The following AGAP1 variants were observed in gnomAD, a reference collection of about 807,000 sequenced individuals.
AGAP1 encodes the protein arf-GAP with GTPase, ANK repeat and PH domain-containing protein 1.
Under a neutral mutation model 105.3 loss-of-function variants are expected in AGAP1, and 29 were observed. The ratio of observed to expected loss-of-function variants is 0.28; its 90% CI spans 0.21 to 0.38. AGAP1 has a LOEUF of 0.38. Ranked by LOEUF, AGAP1 falls within the 10% of genes least tolerant of loss-of-function variation. AGAP1 has a pLI of 1.00. For missense variants in AGAP1, 998 were observed against 1,165.1 expected, an observed-to-expected ratio of 0.86 and a Z score of 2.09; for synonymous variants, 509 against 485.9, an observed-to-expected ratio of 1.05 and a Z score of -0.63.
At position 235,725,249 on chromosome 2, in the gene AGAP1, C is replaced by T. The variant is rs1004472576; in HGVS notation, c.310+7605C>T. ...ACTGCCTAGAATTGTTTCCTGTCATCGGGGTAGTAAATGTGTTCTCAGGAG... is the reference window on the plus strand; with the variant it reads ...ACTGCCTAGAATTGTTTCCTGTCATTGGGGTAGTAAATGTGTTCTCAGGAG... On this transcript the variant is annotated intron_variant, in intron 3 of 17. Coordinates refer to ENST00000304032, the MANE Select transcript of AGAP1 (RefSeq NM_001037131.3). This position sits in a 1 kb window ranked among gnomAD's most constrained non-coding sequence, Gnocchi z 5.7. Among the ~76,000 whole-genome samples, 1 of 152,134 alleles carries T rather than the reference C, an allele frequency of 6.6e-6. No individual in the cohort carries two copies. Among genetic ancestry groups the T allele is most frequent in the African/African-American group, 2.4e-5 (1 of 41,398 alleles).
At chr2:235,878,797 C>T (rs901342475) in intron 9 of AGAP1, among the ~76,000 whole-genome samples, 1 of 152,186 alleles carries the variant, frequency 6.6e-6, no homozygotes, top group Non-Finnish European at 1.5e-5. Context: ...TGGGGATACC[C>T]TCTGTAAACT....
intron 2 of AGAP1, among the ~76,000 whole-genome samples, chr2:235,710,457 G>A (rs932104296): frequency 1.6e-4 from 25 of 152,280 alleles, no homozygotes; most frequent in Non-Finnish European, 2.9e-4. Context: ...CCGCAACCGC[G>A]GGGTGTCATC....
rs2059892333 is a variant in AGAP1 at position 236,121,371 on chromosome 2, G to A, written c.2370+924G>A. Among the ~76,000 whole-genome samples, 1 of 152,166 alleles carries A rather than the reference G, an allele frequency of 6.6e-6. No individual in the cohort carries two copies. Among genetic ancestry groups the A allele is most frequent in the African/African-American group, 2.4e-5 (1 of 41,444 alleles). ...GCTGGAGTGCAGTGGTGCGATCTCA[G>A]CTCACTGCAACCTCCGCCTCCCAGG... On this transcript the variant is annotated intron_variant, in intron 17 of 17. Transcript: ENST00000304032. The surrounding 1 kb of genome is among the most constrained non-coding windows in gnomAD (Gnocchi z 4.9).
intron 1 of AGAP1, among the ~76,000 whole-genome samples, chr2:235,629,853 G>A (rs1946767343): frequency 8.6e-6 from 1 of 116,210 alleles, no homozygotes; most frequent in African/African-American, 3.4e-5. Context: ...GACTGAGGGA[G>A]ACCCTGTCTC....
rs551596111 is a variant in AGAP1, at chr2:236,090,077, C to A, written c.2115-30115C>A. On this transcript the variant is annotated intron_variant, in intron 16 of 17. Transcript: ENST00000304032. This position sits in a 1 kb window ranked among gnomAD's most constrained non-coding sequence, Gnocchi z 4.3. ...GTTGCAGGGAGGAGCACGTGTTTAC[C>A]AGGAAACCCACTGCTCTCCTCACCT... Among the ~76,000 whole-genome samples, 3 of 152,304 alleles carry A rather than the reference C, an allele frequency of 2.0e-5. No homozygotes were observed. The highest frequency in any genetic ancestry group is 2.1e-4 in the South Asian group (1 of 4,826).
At chr2:235,819,395 G>A (rs372008853) in intron 9 of AGAP1, among the ~76,000 whole-genome samples, 4 of 152,180 alleles carry the variant, frequency 2.6e-5, no homozygotes, top group East Asian at 1.9e-4. Context: ...GATTACAGGC[G>A]TGAGCCACTG....
At chr2:235,669,302 C>A (rs929814094) in intron 1 of AGAP1, among the ~76,000 whole-genome samples, 1 of 152,106 alleles carries the variant, frequency 6.6e-6, no homozygotes, top group South Asian at 2.1e-4. Context: ...GTTGCATCTT[C>A]GAGGCTGCAT....
rs1428847575 is a variant in AGAP1 at position 236,109,432 on chromosome 2, A to G, written c.2115-10760A>G. 6.6e-6 allele frequency among the ~76,000 whole-genome samples: 1 copy of G among 151,060 alleles called. No homozygotes were observed. The highest frequency in any genetic ancestry group is 1.5e-5 in the Non-Finnish European group (1 of 68,026). The stretch of plus-strand genomic sequence containing the variant: ...TTTGTAATTATTATAAATATTTATA[A>G]TAATAAATTATAGATAGTTTTGATA... On this transcript the variant is annotated intron_variant, in intron 16 of 17. Coordinates refer to ENST00000304032, the MANE Select transcript of AGAP1 (RefSeq NM_001037131.3). This position sits in a 1 kb window ranked among gnomAD's most constrained non-coding sequence, Gnocchi z 5.4.
intron 1 of AGAP1, among the ~76,000 whole-genome samples, chr2:235,617,763 G>A (rs1211455668): frequency 6.6e-6 from 1 of 152,156 alleles, no homozygotes; most frequent in Non-Finnish European, 1.5e-5. Context: ...CTGGCTAATA[G>A]TTTGGATAGA....
chr2:235,814,450 A>T (rs1332712706), intron 9 of AGAP1, among the ~76,000 whole-genome samples: 1 of 152,242 alleles, frequency 6.6e-6, no homozygotes, highest in East Asian at 1.9e-4. Context: ...ATGAATCAAA[A>T]AGATACTTAT....
intron 1 of AGAP1, chr2:235,507,695 C>A (rs1941884277): frequency 6.6e-6 from 1 of 152,192 alleles, no homozygotes; most frequent in African/African-American, 2.4e-5. Flanking sequence ...CAGGAGCCTG[C>A]AGCCTGGAGA....
chr2:235,595,752 A>G (rs911830420), intron 1 of AGAP1, among the ~76,000 whole-genome samples: 21 of 152,218 alleles, frequency 1.4e-4, no homozygotes, highest in African/African-American at 5.1e-4. Flanking sequence ...TTGATGTGAA[A>G]TTAACAAAAA....
Position 236,104,965 on chromosome 2 carries a change from C to T in AGAP1, c.2115-15227C>T, listed in dbSNP as rs905061060. Among the ~76,000 whole-genome samples the T allele has an allele frequency of 6.6e-6, 1 of 152,108 alleles. No homozygotes were observed. Among genetic ancestry groups the T allele is most frequent in the African/African-American group, 2.4e-5 (1 of 41,424 alleles). ...GTACCAGAGCAGAGCTGTGGATGCC[C>T]GTCTAAGCCTGTGCCCATAGCTCTG... On this transcript the variant is annotated intron_variant, in intron 16 of 17. Coordinates refer to ENST00000304032, the MANE Select transcript of AGAP1 (RefSeq NM_001037131.3). This position sits in a 1 kb window ranked among gnomAD's most constrained non-coding sequence, Gnocchi z 4.7.
rs1490197428 is a variant in AGAP1 at position 236,113,258 on chromosome 2, G to C, written c.2115-6934G>C. Among the ~76,000 whole-genome samples, 1 of 152,012 alleles carries C rather than the reference G, an allele frequency of 6.6e-6. No homozygotes were observed. Among genetic ancestry groups the C allele is most frequent in the African/African-American group, 2.4e-5 (1 of 41,346 alleles). On this transcript the variant is annotated intron_variant, in intron 16 of 17. Transcript: ENST00000304032. The surrounding 1 kb of genome is among the most constrained non-coding windows in gnomAD (Gnocchi z 4.3). Reference sequence around the variant, plus strand: ...CGGGTTCAAGCAATTCTCTGCCTCAGCCCCCCCGAGTAGCTGGGATTACAG... The same window carrying C: ...CGGGTTCAAGCAATTCTCTGCCTCACCCCCCCCGAGTAGCTGGGATTACAG...
At chr2:235,641,238 A>G (rs1365064599) in intron 1 of AGAP1, among the ~76,000 whole-genome samples, 1 of 152,112 alleles carries the variant, frequency 6.6e-6, no homozygotes, top group East Asian at 1.9e-4. Flanking sequence ...AATGTTACAA[A>G]TATGATTCAG....
At chr2:236,099,575 G>A (rs551666721) in intron 16 of AGAP1, among the ~76,000 whole-genome samples, 2 of 152,296 alleles carry the variant, frequency 1.3e-5, no homozygotes, top group South Asian at 2.1e-4. Context: ...TAGGGAGGCC[G>A]TAACATCAGA....
intron 6 of AGAP1, among the ~76,000 whole-genome samples, chr2:235,795,720 AT>A (rs909232313): frequency 3.3e-5 from 5 of 152,196 alleles, no homozygotes; most frequent in African/African-American, 1.2e-4. Flanking sequence ...TTGTGACTTC[AT>A]TTTATTTTTT....
At chr2:235,954,665 C>T (rs1296786312) in intron 12 of AGAP1, among the ~76,000 whole-genome samples, 1 of 151,540 alleles carries the variant, frequency 6.6e-6, no homozygotes, top group Admixed American at 6.6e-5. Flanking sequence ...AGCACACCAG[C>T]AGCCTCCACA....
At position 236,040,121 on chromosome 2, in the gene AGAP1, A is replaced by G. The variant is rs2057501705; in HGVS notation, c.1801-630A>G. 6.6e-6 allele frequency among the ~76,000 whole-genome samples: 1 copy of G among 152,090 alleles called. No individual in the cohort carries two copies. The highest frequency in any genetic ancestry group is 2.4e-5 in the African/African-American group (1 of 41,400). ...GCGAGACACTGGCTCAAAAAATAAT[A>G]ATAATAAATAAATAAATAAAAATAA... On this transcript the variant is annotated intron_variant, in intron 14 of 17. Transcript: ENST00000304032. This position sits in a 1 kb window ranked among gnomAD's most constrained non-coding sequence, Gnocchi z 5.6.
Sources: allele counts gnomAD v4.1 joint callset (sites outside exome capture counted in the v4.1 genomes callset), GRCh38; gene constraint gnomAD v4.1.1; non-coding constraint Gnocchi (gnomAD v3.1); transcripts MANE v1.5; gene names NCBI Gene and HGNC (gene_info 2026-07-23, HGNC 2026-07-21).